The following VGLL4 variants were observed in gnomAD, a reference collection of about 807,000 sequenced individuals.
VGLL4 encodes the protein vestigial like family member 4.
Under a neutral mutation model 21.0 loss-of-function variants are expected in VGLL4, and 7 were observed. The ratio of observed to expected loss-of-function variants is 0.33; its 90% CI spans 0.19 to 0.63. The LOEUF (loss-of-function observed/expected upper bound fraction) is 0.63. VGLL4 is among the 20% of genes least tolerant of loss of function. VGLL4 has a pLI of 0.78. For synonymous variants in VGLL4, 222 were observed against 173.2 expected, an observed-to-expected ratio of 1.28 and a Z score of -2.21; for missense variants, 394 against 425.7, an observed-to-expected ratio of 0.93 and a Z score of 0.66.
chr3:11,579,992 C>G (rs1369959311), intron 2 of VGLL4, among the ~76,000 whole-genome samples: 1 of 152,144 alleles, frequency 6.6e-6, no homozygotes, highest in Non-Finnish European at 1.5e-5. Flanking sequence ...ATTCAGTTGA[C>G]CTGAAGTTGG....
chr3:11,597,455 G>A (rs1559888881), intron 2 of VGLL4, among the ~76,000 whole-genome samples: 1 of 152,076 alleles, frequency 6.6e-6, no homozygotes, highest in African/African-American at 2.4e-5. Context: ...TAGGTTAATG[G>A]ATAAATGCAG....
chr3:11,665,794 G>A (rs1259963389), intron 2 of VGLL4, among the ~76,000 whole-genome samples: 1 of 152,198 alleles, frequency 6.6e-6, no homozygotes, highest in Non-Finnish European at 1.5e-5. Context: ...CTCTTTTCGT[G>A]AGCTGCACAT....
chr3:11,637,480 T>G lies in VGLL4; in HGVS notation c.82+5957A>C, dbSNP rs187567604. On this transcript the variant is annotated intron_variant, in intron 1 of 4. Transcript: ENST00000430365. ...AAACAAAAGAGTGAAATATTAAGAG[T>G]TTGGAACGATCCTATGCATAGCAAC... 2.6e-5 allele frequency among the ~76,000 whole-genome samples: 4 copies of G among 152,232 alleles called. No homozygotes were observed. In the East Asian group the frequency reaches 7.7e-4, roughly 29 times the overall value.
chr3:11,621,923 A>G (rs571762600), intron 1 of VGLL4, among the ~76,000 whole-genome samples: 2 of 152,256 alleles, frequency 1.3e-5, no homozygotes, highest in South Asian at 2.1e-4. Context: ...TTTTTCTGCA[A>G]TTCTTGGCCA....
At chr3:11,695,471 A>G (rs893219646) in intron 2 of VGLL4, among the ~76,000 whole-genome samples, 5 of 152,060 alleles carry the variant, frequency 3.3e-5, no homozygotes, top group East Asian at 1.9e-4. Flanking sequence ...CTATGTGTGT[A>G]TATATATATA....
At chr3:11,624,337 G>A (rs1269116549) in intron 1 of VGLL4, among the ~76,000 whole-genome samples, 3 of 152,086 alleles carry the variant, frequency 2.0e-5, no homozygotes, top group Admixed American at 6.5e-5. Flanking sequence ...CAGCAGTGAC[G>A]TGGCACATGG....
chr3:11,717,716 T>C (rs2076938982), intron 1 of VGLL4, among the ~76,000 whole-genome samples: 1 of 152,142 alleles, frequency 6.6e-6, no homozygotes, highest in African/African-American at 2.4e-5. Context: ...GATAAAGTCA[T>C]AATTTTAAAT....
intron 2 of VGLL4, among the ~76,000 whole-genome samples, chr3:11,596,779 G>A (rs1350557934): frequency 6.6e-6 from 1 of 152,134 alleles, no homozygotes; most frequent in African/African-American, 2.4e-5. Flanking sequence ...ATCAACACCT[G>A]TGGCTGGTGT....
At chr3:11,685,387 C>CG (rs539467064) in intron 2 of VGLL4, among the ~76,000 whole-genome samples, 1 of 151,966 alleles carries the variant, frequency 6.6e-6, no homozygotes, top group Non-Finnish European at 1.5e-5. Context: ...TTAGTGGAGA[C>CG]GGGGTTTCAT....
rs931167320 is a variant in VGLL4 at position 11,719,672 on chromosome 3, C to G, written c.-14+722G>C. 6.6e-6 allele frequency: 1 copy of G among 152,324 alleles called. No individual in the cohort carries two copies. The highest frequency in any genetic ancestry group is 1.5e-5 in the Non-Finnish European group (1 of 68,206). The allele number at this position is 152,324 out of a possible 1,614,324, so 9.4% of individuals were successfully genotyped here. ...GCACCGGCCAACCTGAGCCGGGCTCCGCCAGGCCAGCCAGGCCACGCCCTC... is the reference window on the plus strand; with the variant it reads ...GCACCGGCCAACCTGAGCCGGGCTCGGCCAGGCCAGCCAGGCCACGCCCTC... On this transcript the variant is annotated intron_variant, in intron 1 of 5. Coordinates refer to the VGLL4 transcript ENST00000273038. This position sits in a 1 kb window ranked among gnomAD's most constrained non-coding sequence, Gnocchi z 4.0.
At chr3:11,693,103 G>A (rs926937163) in intron 2 of VGLL4, 2 of 206,500 alleles carry the variant, frequency 9.7e-6, no homozygotes, top group Non-Finnish European at 1.0e-5. Context: ...CCCAGGGGGC[G>A]GAGCTTGCAG....
chr3:11,576,822 G>A (rs949693864), intron 2 of VGLL4, among the ~76,000 whole-genome samples: 1 of 152,256 alleles, frequency 6.6e-6, no homozygotes, highest in African/African-American at 2.4e-5. Flanking sequence ...GCCTCAGGAA[G>A]GCAGAGGGTG....
At chr3:11,602,533 C>T (rs921546959) in intron 1 of VGLL4, among the ~76,000 whole-genome samples, 25 of 151,718 alleles carry the variant, frequency 1.6e-4, no homozygotes, top group African/African-American at 4.8e-4. Flanking sequence ...CACATTTGTA[C>T]CGAAAGTTAA....
In VGLL4 at chr3:11,557,615, T is replaced by TAA. The variant is rs2125090687; in HGVS notation, c.*939_*940dup. On this transcript the variant is annotated 3_prime_UTR_variant, in exon 5 of 5. Transcript: ENST00000430365. ...TCTTAGAGTACAACTGTACCAGCAGTAAGTATATCTAGGACTGTAACTGAC... is the reference window on the plus strand; with the variant it reads ...TCTTAGAGTACAACTGTACCAGCAGTAAAAGTATATCTAGGACTGTAACTGAC... 6.5e-6 allele frequency: 1 copy of TAA among 152,888 alleles called. No individual in the cohort carries two copies. Among genetic ancestry groups the TAA allele is most frequent in the East Asian group, 1.9e-4 (1 of 5,330 alleles). 9.5% of individuals were successfully genotyped at this position (152,888 alleles called of 1,614,324 possible). A position where few individuals can be genotyped will look rare whatever the true frequency, so the allele number is the denominator to read the frequency against.
chr3:11,679,954 C>T (rs1323309712), intron 2 of VGLL4, among the ~76,000 whole-genome samples: 1 of 152,180 alleles, frequency 6.6e-6, no homozygotes, highest in Non-Finnish European at 1.5e-5. Context: ...CCCATTCACT[C>T]ACCACTCACT....
chr3:11,613,404 G>A (rs1437298450), intron 1 of VGLL4, among the ~76,000 whole-genome samples: 1 of 152,158 alleles, frequency 6.6e-6, no homozygotes, highest in African/African-American at 2.4e-5. Flanking sequence ...TCTTGCAAGT[G>A]CAGAGAGAGA....
rs115692600 is a variant in VGLL4 at position 11,561,194 on chromosome 3, T to C, written c.496-1739A>G. ...GCCGGCTTGTTCTTTGCAGCGAGCG[T>C]GTCCTGACCCACGCAAATGTGGGGA... On this transcript the variant is annotated intron_variant, in intron 3 of 4. Coordinates refer to ENST00000430365, the MANE Select transcript of VGLL4 (RefSeq NM_001128219.3). Among the ~76,000 whole-genome samples, 91 of 152,174 alleles carry C rather than the reference T, an allele frequency of 6.0e-4. 1 individual carries two copies. The highest frequency in any genetic ancestry group is 2.1e-3 in the African/African-American group (89 of 41,530).
chr3:11,704,006 G>A (rs1307632425), intron 1 of VGLL4, among the ~76,000 whole-genome samples: 1 of 152,226 alleles, frequency 6.6e-6, no homozygotes, highest in African/African-American at 2.4e-5. Context: ...CACTTTGGGA[G>A]GCCAAGGCGG....
intron 1 of VGLL4, among the ~76,000 whole-genome samples, chr3:11,631,456 G>A (rs1349861845): frequency 6.6e-6 from 1 of 151,962 alleles, no homozygotes; most frequent in African/African-American, 2.4e-5. Context: ...AGCAGATAAG[G>A]ACAAAAATAA....
Sources: gnomAD v4.1 joint callset for allele counts (sites outside exome capture counted in the v4.1 genomes callset) on GRCh38, gnomAD v4.1.1 for gene constraint, Gnocchi (gnomAD v3.1) non-coding constraint, MANE v1.5 for transcripts, NCBI Gene and HGNC (gene_info 2026-07-23, HGNC 2026-07-21) for gene names.